Variants in CDRT15 observed in about 807,000 individuals in gnomAD.
CDRT15 encodes the protein CMT1A duplicated region transcript 15.
Under a neutral mutation model 14.9 loss-of-function variants are expected in CDRT15, and 9 were observed. The observed-to-expected ratio is 0.60, with a 90% CI of 0.36 to 1.06. The LOEUF (loss-of-function observed/expected upper bound fraction) is 1.06, where lower values mean the gene tolerates loss of function less well. Ranked by LOEUF, CDRT15 falls within the 50% of genes least tolerant of loss-of-function variation. The probability of loss-of-function intolerance (pLI) is 0.01; values close to 1 mark genes in which losing one functional copy is unlikely to be tolerated. For missense variants in CDRT15, 117 were observed against 235.3 expected (o/e 0.50, Z 3.29); for synonymous variants, 50 against 96.6 (o/e 0.52, Z 2.83).
Position 14,236,727 on chromosome 17 carries a change from C to T in CDRT15, c.107G>A (p.Arg36His), listed in dbSNP as rs376841824. ...CRRRLIPHPR[R>H]LSPVVIRRIQ... ...GCGCCTTATTACAACGGGCGACAGGCGTCTGGGGTGAGGGATGAGCCTTCT... is the reference window on the plus strand; with the variant it reads ...GCGCCTTATTACAACGGGCGACAGGTGTCTGGGGTGAGGGATGAGCCTTCT... Residue 36 changes from arginine (R) to histidine (H), a missense_variant, in exon 1 of 3, where the codon CGC (arginine) becomes CAC (histidine). Coordinates refer to ENST00000420162, the MANE Select transcript of CDRT15 (RefSeq NM_001007530.3). 36 of 1,611,932 alleles carry T rather than the reference C, an allele frequency of 2.2e-5. No homozygotes were observed. The African/African-American group carries it at 2.5e-4, about 11-fold the overall frequency.
Position 14,235,918 on chromosome 17 carries a change from G to A in CDRT15, c.505C>T (p.Arg169Trp), listed in dbSNP as rs138605097. The change falls in exon 3 of 3, where the codon CGG (arginine) becomes TGG (tryptophan). Residue 169 changes from arginine (R) to tryptophan (W), a missense_variant. Physicochemically the swap from Arg to Trp is moderately radical, Grantham distance 101 (BLOSUM62 -3). Around this residue, in one of 3 missense-constraint regions of CDRT15, gnomAD observed 6 missense variants for 48.3 expected, o/e 0.12. Coordinates refer to ENST00000420162, the MANE Select transcript of CDRT15 (RefSeq NM_001007530.3). Reference protein sequence around the residue: ...RGNLLLQAWMRVHSWASRLFA... With the variant: ...RGNLLLQAWMWVHSWASRLFA... The stretch of plus-strand genomic sequence containing the variant: ...AGCCTGGATGCCCAGCTGTGGACCC[G>A]CATCCATGCCTGGAGGAGGAGGTTG... The A allele has an allele frequency of 1.4e-3, 2,196 of 1,589,472 alleles. 1 individual carries two copies. Among genetic ancestry groups the A allele is most frequent in the Non-Finnish European group, 4.8e-4 (565 of 1,167,808 alleles).
Position 14,235,999 on chromosome 17 carries a change from T to G in CDRT15, c.424A>C (p.Ser142Arg), listed in dbSNP as rs1431918550. Residue 142 changes from serine (S) to arginine (R), a missense_variant, in exon 3 of 3, where the codon AGC (serine) becomes CGC (arginine). By Grantham distance (110) the Ser-to-Arg change is moderately radical. This residue lies in a region of CDRT15 where 61 missense variants were observed against 138.2 expected (regional missense o/e 0.44). Transcript: ENST00000420162. The stretch of plus-strand genomic sequence containing the variant: ...CTTCTTCCCAGCCTTCTTTTAATGC[T>G]CTCCGGCACCTCCTGCACACAGATA... ...ELPEITEVPESIKRRLGRRVP... is the reference protein window; with the variant it reads ...ELPEITEVPERIKRRLGRRVP... 6.2e-7 allele frequency: 1 copy of G among 1,611,384 alleles called. No individual in the cohort carries two copies. Among genetic ancestry groups the G allele is most frequent in the Admixed American group, 1.7e-5 (1 of 59,444 alleles).
At chr17:14,236,236 C>A (rs747460482) in intron 2 of CDRT15, 46 bp downstream of exon 2, 9 of 1,601,538 alleles carry the variant, frequency 5.6e-6, no homozygotes, top group Non-Finnish European at 7.7e-6. Flanking sequence ...CTCTCTCCAG[C>A]CACGCTTTCA....
rs1427288492 is a variant in CDRT15, at chr17:14,235,985, C to T, written c.438G>A (p.Arg146=). Reference sequence around the variant, plus strand: ...TAGCTGCTGGAACTCTTCTTCCCAGCCTTCTTTTAATGCTCTCCGGCACCT... The same window carrying T: ...TAGCTGCTGGAACTCTTCTTCCCAGTCTTCTTTTAATGCTCTCCGGCACCT... ...ITEVPESIKR[R]LGRRVPAATP... The change falls in exon 3 of 3, where the codon AGG becomes AGA. Residue 146 remains arginine, a synonymous_variant. Coordinates refer to ENST00000420162, the MANE Select transcript of CDRT15 (RefSeq NM_001007530.3). 2 of 1,611,610 alleles carry T rather than the reference C, an allele frequency of 1.2e-6. No individual in the cohort carries two copies. Among genetic ancestry groups the T allele is most frequent in the East Asian group, 2.2e-5 (1 of 44,830 alleles).
intron 2 of CDRT15, 116 bp downstream of exon 2, chr17:14,236,166 C>T: frequency 6.5e-7 from 1 of 1,532,370 alleles, no homozygotes. Flanking sequence ...GTGCCCAGGA[C>T]TAGGGGCAGC....
chr17:14,236,239 C>A (rs777192536), intron 2 of CDRT15, 43 bp downstream of exon 2: 22 of 1,602,694 alleles, frequency 1.4e-5, no homozygotes, highest in East Asian at 2.2e-5. Flanking sequence ...TCTCCAGCCA[C>A]GCTTTCAGTT....
At chr17:14,236,177 A>T (rs1487641274) in intron 2 of CDRT15, 105 bp downstream of exon 2, 4 of 1,546,310 alleles carry the variant, frequency 2.6e-6, no homozygotes, top group Non-Finnish European at 3.5e-6. Context: ...TAGGGGCAGC[A>T]TGGGAGCTGC....
At chr17:14,236,239 C>T (rs777192536) in intron 2 of CDRT15, 43 bp downstream of exon 2, 23 of 1,602,698 alleles carry the variant, frequency 1.4e-5, no homozygotes, top group South Asian at 2.2e-5. Flanking sequence ...TCTCCAGCCA[C>T]GCTTTCAGTT....
rs770233105 is a variant in CDRT15, at chr17:14,236,281, C to T, written c.411+1G>A. ...TTAGGGCTAGTGGCTACAGTACGTGCCGTGATTTCAGGCAGCTCCTCGTTG... is the reference window on the plus strand; with the variant it reads ...TTAGGGCTAGTGGCTACAGTACGTGTCGTGATTTCAGGCAGCTCCTCGTTG... On this transcript the variant is annotated splice_donor_variant, in intron 2 of 2. Coordinates refer to ENST00000420162, the MANE Select transcript of CDRT15 (RefSeq NM_001007530.3). LOFTEE classifies it high-confidence loss of function. 9.3e-6 allele frequency: 15 copies of T among 1,611,878 alleles called. No homozygotes were observed. Among genetic ancestry groups the T allele is most frequent in the Non-Finnish European group, 1.3e-5 (15 of 1,179,500 alleles).
chr17:14,236,566 C>T lies in CDRT15; in HGVS notation c.262+6G>A, dbSNP rs546506577. The stretch of plus-strand genomic sequence containing the variant: ...GCAAAGTCTTCCAGGCTGCAGGCCA[C>T]CTCACCAAGTGTCTGTGCCTCAATG... On this transcript the variant is annotated splice_donor_region_variant and intron_variant, in intron 1 of 2. Coordinates refer to ENST00000420162, the MANE Select transcript of CDRT15 (RefSeq NM_001007530.3). 31 of 1,541,768 alleles carry T rather than the reference C, an allele frequency of 2.0e-5. No homozygotes were observed. Among genetic ancestry groups the T allele is most frequent in the Admixed American group, 6.0e-5 (3 of 50,320 alleles).
In CDRT15 at chr17:14,235,998, C is replaced by T. The variant is rs552240422; in HGVS notation, c.425G>A (p.Ser142Asn). 8.9e-5 allele frequency: 144 copies of T among 1,611,220 alleles called. 1 individual carries two copies. The South Asian group carries it at 1.5e-3, about 17-fold the overall frequency. ...TCTTCTTCCCAGCCTTCTTTTAATG[C>T]TCTCCGGCACCTCCTGCACACAGAT... The part of the protein sequence containing the change: ...ELPEITEVPE[S>N]IKRRLGRRVP... The change falls in exon 3 of 3, where the codon AGC becomes AAC. Residue 142 changes from serine to asparagine, a missense_variant. By Grantham distance (46) the Ser-to-Asn change is conservative (BLOSUM62 1). This residue lies in a region of CDRT15 where 61 missense variants were observed against 138.2 expected (regional missense o/e 0.44). Transcript: ENST00000420162.
rs1338982135 is a variant in CDRT15 at position 14,236,444 on chromosome 17, A to C, written c.263-14T>G. The C allele has an allele frequency of 2.7e-6, 4 of 1,476,320 alleles. No individual in the cohort carries two copies. The African/African-American group carries it at 5.6e-5, about 21-fold the overall frequency. The allele number at this position is 1,476,320 out of a possible 1,614,324, so 91.5% of individuals were successfully genotyped here. ...ATGGACCAGGAGCTGAGAAAGGAGA[A>C]AGGGTCACCAGCCTCAGTCACTTTC... On this transcript the variant is annotated splice_polypyrimidine_tract_variant and intron_variant, in intron 1 of 2. Transcript: ENST00000420162.
At chr17:14,236,150 G>A in intron 2 of CDRT15, 132 bp downstream of exon 2, 2 of 1,502,432 alleles carry the variant, frequency 1.3e-6, no homozygotes, top group South Asian at 2.6e-5. Flanking sequence ...CTGCATGTTT[G>A]CCACCGTGCC....
At position 14,236,774 on chromosome 17, in the gene CDRT15, C is replaced by T. The variant is rs746554645; in HGVS notation, c.60G>A (p.Glu20=). ...RGCCFRNGGS[E]SLFRRCRRRL... ...TTCTTCGGCATCGTCGGAAAAGGCTCTCACTCCCTCCATTCCTGAAGCAGC... is the reference window on the plus strand; with the variant it reads ...TTCTTCGGCATCGTCGGAAAAGGCTTTCACTCCCTCCATTCCTGAAGCAGC... Residue 20 remains glutamate (E), a synonymous_variant, in exon 1 of 3, where the codon GAG becomes GAA. Coordinates refer to ENST00000420162, the MANE Select transcript of CDRT15 (RefSeq NM_001007530.3). 1 of 1,611,684 alleles carries T rather than the reference C, an allele frequency of 6.2e-7. No individual in the cohort carries two copies. Among genetic ancestry groups the T allele is most frequent in the Admixed American group, 1.7e-5 (1 of 59,940 alleles).
chr17:14,236,711 T>G lies in CDRT15; in HGVS notation c.123A>C (p.Val41=). The change falls in exon 1 of 3, where the codon GTA becomes GTC. Residue 41 remains valine, a synonymous_variant. Coordinates refer to ENST00000420162, the MANE Select transcript of CDRT15 (RefSeq NM_001007530.3). ...CCTGTGGTACCTGGATGCGCCTTAT[T>G]ACAACGGGCGACAGGCGTCTGGGGT... ...IPHPRRLSPV[V]IRRIQVPQDS... is the part of the protein sequence containing the mutation. The G allele has an allele frequency of 5.0e-6, 8 of 1,612,134 alleles. No individual in the cohort carries two copies. The highest frequency in any genetic ancestry group is 6.8e-6 in the Non-Finnish European group (8 of 1,179,718).
chr17:14,236,303 G>A lies in CDRT15; in HGVS notation c.390C>T (p.Asn130=), dbSNP rs192606340. 2.2e-5 allele frequency: 35 copies of A among 1,612,250 alleles called. No individual in the cohort carries two copies. Among genetic ancestry groups the A allele is most frequent in the African/African-American group, 4.0e-5 (3 of 74,886 alleles). The part of the protein sequence containing the change: ...LEGAPAKDQT[N]EELPEITEVP... ...GTGCCGTGATTTCAGGCAGCTCCTC[G>A]TTGGTCTGGTCCTTGGCTGGAGCTC... Residue 130 remains asparagine, a synonymous_variant, in exon 2 of 3, where the codon AAC becomes AAT. Coordinates refer to ENST00000420162, the MANE Select transcript of CDRT15 (RefSeq NM_001007530.3).
Position 14,236,717 on chromosome 17 carries a change from G to A in CDRT15, c.117C>T (p.Pro39=), listed in dbSNP as rs574374768. ...RLIPHPRRLS[P]VVIRRIQVPQ... is the part of the protein sequence containing the mutation. Reference sequence around the variant, plus strand: ...GTACCTGGATGCGCCTTATTACAACGGGCGACAGGCGTCTGGGGTGAGGGA... The same window carrying A: ...GTACCTGGATGCGCCTTATTACAACAGGCGACAGGCGTCTGGGGTGAGGGA... The change falls in exon 1 of 3, where the codon CCC becomes CCT. Residue 39 remains proline (P), a synonymous_variant. Transcript: ENST00000420162. 1.8e-5 allele frequency: 29 copies of A among 1,612,072 alleles called. No homozygotes were observed. The East Asian group carries it at 2.5e-4, about 14-fold the overall frequency.
rs1182015836 is a variant in CDRT15 at position 14,236,358 on chromosome 17, G to C, written c.335C>G (p.Ala112Gly). 6.2e-7 allele frequency: 1 copy of C among 1,611,860 alleles called. No individual in the cohort carries two copies. Among genetic ancestry groups the C allele is most frequent in the Non-Finnish European group, 8.5e-7 (1 of 1,179,438 alleles). ...CAGCTCCAGTGCTCTCTCTGGAGGG[G>C]CCTCTTCCCATGCTGGCTCTGGCTC... ...AAEPEPAWEE[A>G]PPERALELEG... Residue 112 changes from alanine (A) to glycine (G), a missense_variant, in exon 2 of 3, where the codon GCC (alanine) becomes GGC (glycine). Transcript: ENST00000420162.
Position 14,236,337 on chromosome 17 carries a change from T to C in CDRT15, c.356A>G (p.Glu119Gly), listed in dbSNP as rs1195062065. Residue 119 changes from glutamate to glycine, a missense_variant, in exon 2 of 3, where the codon GAG becomes GGG. Glu to Gly is a moderately conservative substitution (Grantham distance 98, BLOSUM62 -2). Transcript: ENST00000420162. Reference protein sequence around the residue: ...WEEAPPERALELEGAPAKDQT... With the variant: ...WEEAPPERALGLEGAPAKDQT... ...GTCCTTGGCTGGAGCTCCCTCCAGC[T>C]CCAGTGCTCTCTCTGGAGGGGCCTC... 6.2e-7 allele frequency: 1 copy of C among 1,611,756 alleles called. No individual in the cohort carries two copies. Among genetic ancestry groups the C allele is most frequent in the African/African-American group, 1.3e-5 (1 of 74,846 alleles).
Sources: gnomAD v4.1 joint callset for allele counts on GRCh38, gnomAD v4.1.1 for gene constraint, gnomAD v4.1.1 regional missense constraint, MANE v1.5 for transcripts, NCBI Gene and HGNC (gene_info 2026-07-23, HGNC 2026-07-21) for gene names.